The following FUT9 variants were observed in gnomAD, a reference collection of about 807,000 sequenced individuals.
FUT9 encodes 4-galactosyl-N-acetylglucosaminide 3-alpha-L-fucosyltransferase 9.
A neutral mutation model predicts 29.7 loss-of-function variants in FUT9; 15 were observed. The observed-to-expected ratio is 0.51, with a 90% CI of 0.34 to 0.78. The LOEUF (loss-of-function observed/expected upper bound fraction) is 0.78. Ranked by LOEUF, FUT9 falls within the 30% of genes least tolerant of loss-of-function variation. The pLI, the probability that FUT9 is intolerant of heterozygous loss-of-function variation, is 0.01. For synonymous variants in FUT9, 169 were observed against 153.7 expected, an observed-to-expected ratio of 1.10 and a Z score of -0.74; for missense variants, 319 against 425.4, an observed-to-expected ratio of 0.75 and a Z score of 2.20.
intron 1 of FUT9, among the ~76,000 whole-genome samples, chr6:96,109,807 G>A (rs941897640): frequency 6.6e-6 from 1 of 151,912 alleles, no homozygotes; most frequent in Non-Finnish European, 1.5e-5. Flanking sequence ...AAACCTTCTC[G>A]TATCCATTGC....
intron 1 of FUT9, among the ~76,000 whole-genome samples, chr6:96,099,654 C>T (rs1045233202): frequency 3.3e-5 from 5 of 151,994 alleles, no homozygotes; most frequent in African/African-American, 1.2e-4. Flanking sequence ...TGCTGCTTGC[C>T]TGATAGTAAT....
intron 1 of FUT9, among the ~76,000 whole-genome samples, chr6:96,073,861 T>G (rs1771102925): frequency 6.6e-6 from 1 of 152,206 alleles, no homozygotes; most frequent in Non-Finnish European, 1.5e-5. Context: ...ATCTGTGGAA[T>G]GAAGAAAGAC....
rs1773863093 is a variant in FUT9 at position 96,207,942 on chromosome 6, C to T, written c.*3707C>T. The T allele has an allele frequency of 6.0e-6, 1 of 166,076 alleles. No homozygotes were observed. The highest frequency in any genetic ancestry group is 1.5e-5 in the Non-Finnish European group (1 of 67,858). The allele number at this position is 166,076 out of a possible 1,614,324, so 10.3% of individuals were successfully genotyped here. A position where few individuals can be genotyped will look rare whatever the true frequency, so the allele number is the denominator to read the frequency against. On this transcript the variant is annotated 3_prime_UTR_variant, in exon 3 of 3. Transcript: ENST00000302103. ...AGCCTGACAGTCATATATATTATGA[C>T]AGCTGTATATCTGACAATATGAAGT... is the stretch of plus-strand genomic sequence containing the variant.
chr6:96,208,142 G>A lies in FUT9; in HGVS notation c.*3907G>A, dbSNP rs1773866944. 2 of 166,876 alleles carry A rather than the reference G, an allele frequency of 1.2e-5. No homozygotes were observed. 10.3% of individuals were successfully genotyped at this position (166,876 alleles called of 1,614,324 possible). On this transcript the variant is annotated 3_prime_UTR_variant, in exon 3 of 3. Transcript: ENST00000302103. ...GCAACAGAATATTTAGGAATTATTTGCGGAGGCTTTAAATTCTTACCTCCA... is the reference window on the plus strand; with the variant it reads ...GCAACAGAATATTTAGGAATTATTTACGGAGGCTTTAAATTCTTACCTCCA...
rs1331103334 is a variant in FUT9 at position 96,211,256 on chromosome 6, G to C, written c.*7021G>C. 1 of 166,668 alleles carries C rather than the reference G, an allele frequency of 6.0e-6. No individual in the cohort carries two copies. Among genetic ancestry groups the C allele is most frequent in the Non-Finnish European group, 1.5e-5 (1 of 67,962 alleles). The allele number at this position is 166,668 out of a possible 1,614,324, so 10.3% of individuals were successfully genotyped here. On this transcript the variant is annotated 3_prime_UTR_variant, in exon 3 of 3. Coordinates refer to ENST00000302103, the MANE Select transcript of FUT9 (RefSeq NM_006581.4). ...ACTAAATATATATACCATTTCTTAAGATAATTGGAACTCAAGCAGTCCTAA... is the reference window on the plus strand; with the variant it reads ...ACTAAATATATATACCATTTCTTAACATAATTGGAACTCAAGCAGTCCTAA...
intron 1 of FUT9, among the ~76,000 whole-genome samples, chr6:96,023,403 A>AG (rs1770108374): frequency 6.6e-6 from 1 of 151,958 alleles, no homozygotes; most frequent in Non-Finnish European, 1.5e-5. Context: ...GCTGATTAAC[A>AG]GGACATCATC....
intron 2 of FUT9, among the ~76,000 whole-genome samples, chr6:96,190,236 C>T (rs1773480587): frequency 6.6e-6 from 1 of 152,106 alleles, no homozygotes; most frequent in African/African-American, 2.4e-5. Flanking sequence ...ATATTGGCCC[C>T]CACTCTCTTC....
At chr6:96,056,762 A>T (rs1160172438) in intron 1 of FUT9, among the ~76,000 whole-genome samples, 1 of 152,178 alleles carries the variant, frequency 6.6e-6, no homozygotes, top group East Asian at 1.9e-4. Flanking sequence ...AAAATAAAAA[A>T]AAAAACCTAA....
Position 96,204,046 on chromosome 6 carries a change from G to A in FUT9, c.891G>A (p.Glu297=). Residue 297 remains glutamate (E), a synonymous_variant, in exon 3 of 3, where the codon GAG becomes GAA. Transcript: ENST00000302103. ...IHVEDYNSPS[E]LAKYLKEVDK... is the part of the protein sequence containing the mutation. ...TGGAAGATTATAACTCTCCCAGTGA[G>A]CTAGCAAAGTATCTGAAGGAAGTCG... 1 of 1,580,958 alleles carries A rather than the reference G, an allele frequency of 6.3e-7. No homozygotes were observed. Among genetic ancestry groups the A allele is most frequent in the Non-Finnish European group, 8.6e-7 (1 of 1,164,352 alleles).
At chr6:96,170,162 C>T (rs1036584455) in intron 2 of FUT9, among the ~76,000 whole-genome samples, 6 of 152,006 alleles carry the variant, frequency 3.9e-5, no homozygotes, top group African/African-American at 9.7e-5. Context: ...CTTTGCCATT[C>T]GAAACTTTTC....
Position 96,212,042 on chromosome 6 carries a change from T to C in FUT9, c.*7807T>C, listed in dbSNP as rs1773946917. ...AGAAAGTTATGCTAACATGCTAACTTTCCACACATGGCTGCATTCCATTTT... is the reference window on the plus strand; with the variant it reads ...AGAAAGTTATGCTAACATGCTAACTCTCCACACATGGCTGCATTCCATTTT... On this transcript the variant is annotated 3_prime_UTR_variant, in exon 3 of 3. Transcript: ENST00000302103. The C allele has an allele frequency of 4.9e-6, 2 of 412,214 alleles. No homozygotes were observed. The highest frequency in any genetic ancestry group is 8.9e-6 in the Non-Finnish European group (2 of 225,162). The allele number at this position is 412,214 out of a possible 1,614,324, so 25.5% of individuals were successfully genotyped here.
rs184604730 is a variant in FUT9, at chr6:96,209,121, G to C, written c.*4886G>C. The C allele has an allele frequency of 1.8e-5, 3 of 166,918 alleles. No individual in the cohort carries two copies. The East Asian group carries it at 5.8e-4, about 32-fold the overall frequency. The allele number at this position is 166,918 out of a possible 1,614,324, so 10.3% of individuals were successfully genotyped here. On this transcript the variant is annotated 3_prime_UTR_variant, in exon 3 of 3. Coordinates refer to ENST00000302103, the MANE Select transcript of FUT9 (RefSeq NM_006581.4). ...GTTATTAGTTCAACAAACTAATTTT[G>C]AGAGAGCCACTTAACCTCTCTGGAC... is the stretch of plus-strand genomic sequence containing the variant.
At chr6:96,031,378 G>C (rs531197806) in intron 1 of FUT9, among the ~76,000 whole-genome samples, 1 of 142,488 alleles carries the variant, frequency 7.0e-6, no homozygotes, top group South Asian at 2.3e-4. Flanking sequence ...AAAGGATTTT[G>C]AGACAGATTA....
chr6:96,201,779 T>C (rs975082691), intron 2 of FUT9, among the ~76,000 whole-genome samples: 1 of 151,542 alleles, frequency 6.6e-6, no homozygotes, highest in African/African-American at 2.4e-5. Flanking sequence ...TGAAACCAAC[T>C]TTGACAGGAA....
chr6:96,132,853 T>C (rs1352976415), intron 2 of FUT9, among the ~76,000 whole-genome samples: 2 of 152,140 alleles, frequency 1.3e-5, no homozygotes, highest in Non-Finnish European at 2.9e-5. Context: ...AGACTTTTAG[T>C]CTAACATTCA....
intron 1 of FUT9, among the ~76,000 whole-genome samples, chr6:96,100,319 A>T (rs578171480): frequency 6.6e-6 from 1 of 152,252 alleles, no homozygotes; most frequent in African/African-American, 2.4e-5. Flanking sequence ...AAGTTACAAC[A>T]TAAATAAAAC....
At chr6:96,109,777 A>G (rs908503392) in intron 1 of FUT9, among the ~76,000 whole-genome samples, 11 of 152,108 alleles carry the variant, frequency 7.2e-5, no homozygotes, top group African/African-American at 2.7e-4. Context: ...TTGTATTCAG[A>G]TCATGCTAGT....
At chr6:96,047,631 G>A (rs571301650) in intron 1 of FUT9, among the ~76,000 whole-genome samples, 18 of 152,180 alleles carry the variant, frequency 1.2e-4, no homozygotes, top group Non-Finnish European at 1.6e-4. Context: ...CAGATGGCAG[G>A]AGCCTCACTC....
At chr6:96,086,665 A>C (rs1218250517) in intron 1 of FUT9, among the ~76,000 whole-genome samples, 1 of 152,220 alleles carries the variant, frequency 6.6e-6, no homozygotes, top group African/African-American at 2.4e-5. Flanking sequence ...AATATGAAAT[A>C]GGAACCCAAG....
Sources: gnomAD v4.1 joint callset for allele counts (sites outside exome capture counted in the v4.1 genomes callset) on GRCh38, gnomAD v4.1.1 for gene constraint, MANE v1.5 for transcripts, NCBI Gene and HGNC (gene_info 2026-07-23, HGNC 2026-07-21) for gene names.